Variants in AOPEP observed in about 807,000 individuals in gnomAD.
The protein encoded by AOPEP is aminopeptidase O.
AOPEP carries 77 observed loss-of-function variants against 98.1 expected under a neutral mutation model. That is an observed-to-expected ratio of 0.78 (90% confidence interval 0.65 to 0.95). The LOEUF (loss-of-function observed/expected upper bound fraction) is 0.95, where lower values mean the gene tolerates loss of function less well. AOPEP is among the 40% of genes least tolerant of loss of function. The pLI, the probability that AOPEP is intolerant of heterozygous loss-of-function variation, is 0.00. For synonymous variants in AOPEP, 346 were observed against 365.3 expected, an observed-to-expected ratio of 0.95 and a Z score of 0.60; for missense variants, 1,024 against 1,024.7, an observed-to-expected ratio of 1.00 and a Z score of 0.01.
chr9:94,749,484 A>AT (rs927893825), intron 1 of AOPEP, among the ~76,000 whole-genome samples: 50 of 152,012 alleles, frequency 3.3e-4, no homozygotes, highest in African/African-American at 1.1e-3. Context: ...TTTTTAAAGT[A>AT]TTTTTTTTGT....
chr9:94,763,514 A>T (rs1838852824), intron 2 of AOPEP: 2 of 155,670 alleles, frequency 1.3e-5, no homozygotes, highest in Admixed American at 1.3e-4. Context: ...GTATACACAC[A>T]CTGTATCTTG....
At chr9:94,835,918 G>A (rs996652951) in intron 5 of AOPEP, among the ~76,000 whole-genome samples, 1 of 152,102 alleles carries the variant, frequency 6.6e-6, no homozygotes, top group Non-Finnish European at 1.5e-5. Context: ...TTTTGTCTTT[G>A]TTCTATCCCT....
the AOPEP span, among the ~76,000 whole-genome samples, chr9:95,147,299 C>A: frequency 1.3e-5 from 2 of 152,116 alleles, no homozygotes; most frequent in African/African-American, 4.8e-5. Flanking sequence ...GGGTGGATCA[C>A]CTGAGGTCGG....
At chr9:95,061,237 A>T (rs1025378970) in intron 14 of AOPEP, among the ~76,000 whole-genome samples, 1 of 152,256 alleles carries the variant, frequency 6.6e-6, no homozygotes, top group East Asian at 1.9e-4. Flanking sequence ...TAGCAGCTGT[A>T]GTTGGAAAAG....
intron 11 of AOPEP, chr9:95,004,184 C>T (rs1311200419): frequency 4.4e-6 from 2 of 455,268 alleles, no homozygotes; most frequent in African/African-American, 2.0e-5. Flanking sequence ...CTCTCCGCCC[C>T]GGCCCGCCCT....
rs992473831 is a variant in AOPEP at position 95,086,781 on chromosome 9, A to G, written c.*104A>G. On this transcript the variant is annotated 3_prime_UTR_variant, in exon 17 of 17. Transcript: ENST00000375315. The stretch of plus-strand genomic sequence containing the variant: ...CAAAGGAGGGATTATGTGGCTGCTA[A>G]AGCCATCGGCCCACAGCCCTGTTCA... The G allele has an allele frequency of 1.0e-6, 1 of 988,042 alleles. No homozygotes were observed. The highest frequency in any genetic ancestry group is 1.2e-6 in the Non-Finnish European group (1 of 830,150). 61.2% of individuals were successfully genotyped at this position (988,042 alleles called of 1,614,324 possible).
At chr9:95,078,884 T>C (rs1171863015) in intron 14 of AOPEP, among the ~76,000 whole-genome samples, 1 of 152,216 alleles carries the variant, frequency 6.6e-6, no homozygotes, top group Non-Finnish European at 1.5e-5. Context: ...TCCTCTGGCA[T>C]GGGATGGTGA....
At chr9:94,962,845 G>C (rs911947304) in intron 9 of AOPEP, among the ~76,000 whole-genome samples, 3 of 147,456 alleles carry the variant, frequency 2.0e-5, no homozygotes, top group African/African-American at 7.6e-5. Flanking sequence ...CCATTCTCCC[G>C]CCATTCTCCT....
chr9:94,907,730 C>T (rs1052932560), intron 5 of AOPEP, among the ~76,000 whole-genome samples: 3 of 152,186 alleles, frequency 2.0e-5, no homozygotes, highest in Admixed American at 2.0e-4. Context: ...CCTCTTCAGA[C>T]TAGAATTCGA....
Position 94,845,667 on chromosome 9 carries a change from G to A in AOPEP, c.1364+44665G>A, listed in dbSNP as rs528250054. ...TATTTTGAAGAGCTGTTGGGATTTT[G>A]GAGTGGTTTGTGTCTAAGATGTGAG... On this transcript the variant is annotated intron_variant, in intron 5 of 16. Coordinates refer to ENST00000375315, the MANE Select transcript of AOPEP (RefSeq NM_001193329.3). Among the ~76,000 whole-genome samples, 48 of 152,276 alleles carry A rather than the reference G, an allele frequency of 3.2e-4. No homozygotes were observed. The South Asian group carries it at 9.7e-3, about 31-fold the overall frequency.
intron 5 of AOPEP, among the ~76,000 whole-genome samples, chr9:94,834,714 A>T (rs965172591): frequency 1.3e-5 from 2 of 152,046 alleles, no homozygotes; most frequent in African/African-American, 4.8e-5. Flanking sequence ...AATCGCTTGA[A>T]CCTGGGAGGC....
chr9:94,891,809 T>A (rs1346309348), intron 5 of AOPEP, among the ~76,000 whole-genome samples: 1 of 152,230 alleles, frequency 6.6e-6, no homozygotes, highest in African/African-American at 2.4e-5. Flanking sequence ...TCTTTTCTTC[T>A]TTCCTTTCTG....
At chr9:95,036,475 T>C (rs1419202767) in intron 13 of AOPEP, among the ~76,000 whole-genome samples, 2 of 152,194 alleles carry the variant, frequency 1.3e-5, no homozygotes, top group African/African-American at 4.8e-5. Context: ...AAATCTTTCA[T>C]CTCTTTTAAA....
chr9:95,113,049 C>T, the AOPEP span, among the ~76,000 whole-genome samples: 25 of 152,332 alleles, frequency 1.6e-4, no homozygotes, highest in Non-Finnish European at 3.5e-4. Flanking sequence ...GTCCTGTCCC[C>T]GAGTTAAGAT....
chr9:94,968,817 G>A (rs886270602), intron 10 of AOPEP, among the ~76,000 whole-genome samples: 1 of 151,918 alleles, frequency 6.6e-6, no homozygotes, highest in Non-Finnish European at 1.5e-5. Context: ...TGTGTATCAG[G>A]CACTGGATCC....
intron 11 of AOPEP, among the ~76,000 whole-genome samples, chr9:94,992,087 C>G (rs755755881): frequency 2.0e-5 from 3 of 152,224 alleles, no homozygotes; most frequent in Non-Finnish European, 4.4e-5. Context: ...CAACCAGAGT[C>G]CCTGTCTTTT....
chr9:94,842,863 C>G (rs148247221), intron 5 of AOPEP, among the ~76,000 whole-genome samples: 9 of 152,226 alleles, frequency 5.9e-5, no homozygotes, highest in African/African-American at 2.2e-4. Flanking sequence ...TTGAAATCCA[C>G]CATCATTCAA....
the AOPEP span, among the ~76,000 whole-genome samples, chr9:95,093,425 G>C: frequency 6.6e-6 from 1 of 152,156 alleles, no homozygotes; most frequent in African/African-American, 2.4e-5. Context: ...ATCAGAGATG[G>C]CGCTGTCTCC....
At chr9:95,030,239 TAAG>T (rs749431118) in intron 13 of AOPEP, among the ~76,000 whole-genome samples, 1 of 152,208 alleles carries the variant, frequency 6.6e-6, no homozygotes, top group Non-Finnish European at 1.5e-5. Context: ...GATTGTCTTT[TAAG>T]AAGAATAATT....
Sources: allele counts gnomAD v4.1 joint callset (sites outside exome capture counted in the v4.1 genomes callset), GRCh38; gene constraint gnomAD v4.1.1; transcripts MANE v1.5; gene names NCBI Gene and HGNC (gene_info 2026-07-23, HGNC 2026-07-21).